AJAP1: variants seen among roughly 807,000 people sequenced by gnomAD.
AJAP1 encodes the protein adherens junctions associated protein 1.
A neutral mutation model predicts 35.0 loss-of-function variants in AJAP1; 5 were observed. That is an observed-to-expected ratio of 0.14 (90% CI 0.07 to 0.30). The LOEUF is 0.30. AJAP1 is among the 10% of genes least tolerant of loss of function. The pLI is 1.00. For missense variants in AJAP1, 586 were observed against 571.0 expected, an observed-to-expected ratio of 1.03 and a Z score of -0.27; for synonymous variants, 284 against 249.3, an observed-to-expected ratio of 1.14 and a Z score of -1.31.
At chr1:4,772,615 G>A in intron 4 of AJAP1, 90 bp downstream of exon 4, 1 of 1,534,330 alleles carries the variant, frequency 6.5e-7, no homozygotes, top group Non-Finnish European at 8.8e-7. Flanking sequence ...GAGAGCTGTT[G>A]GTCGGTTTAG....
intron 1 of AJAP1, among the ~76,000 whole-genome samples, chr1:4,710,844 T>C (rs1483197): frequency 0.43 from 65,800 of 152,120 alleles, 15,367 homozygotes; most frequent in African/African-American, 0.61. Flanking sequence ...CTGGTTTTCA[T>C]GTGACACCAG....
chr1:4,657,157 G>C (rs955525764), intron 1 of AJAP1, among the ~76,000 whole-genome samples: 1 of 152,194 alleles, frequency 6.6e-6, no homozygotes, highest in African/African-American at 2.4e-5. Context: ...TTGATAAAGG[G>C]AGAGAAGAGC....
At chr1:4,672,157 G>T (rs542472737) in intron 1 of AJAP1, among the ~76,000 whole-genome samples, 1 of 152,222 alleles carries the variant, frequency 6.6e-6, no homozygotes, top group Non-Finnish European at 1.5e-5. Context: ...GCTCAAGAAT[G>T]GACTGGGAGG....
intron 1 of AJAP1, among the ~76,000 whole-genome samples, chr1:4,706,238 T>A (rs950129313): frequency 6.6e-6 from 1 of 152,128 alleles, no homozygotes; most frequent in Non-Finnish European, 1.5e-5. Context: ...AACAAATATG[T>A]CTGTGTCTAT....
intron 1 of AJAP1, among the ~76,000 whole-genome samples, chr1:4,674,532 C>G (rs763095113): frequency 6.6e-6 from 1 of 152,226 alleles, no homozygotes; most frequent in African/African-American, 2.4e-5. Flanking sequence ...GCTTTAGGTT[C>G]AGAGGTCAGT....
At chr1:4,691,279 G>A (rs1215931260) in intron 1 of AJAP1, among the ~76,000 whole-genome samples, 2 of 152,182 alleles carry the variant, frequency 1.3e-5, no homozygotes, top group Non-Finnish European at 2.9e-5. Flanking sequence ...TGGCCTTCCT[G>A]GGACCAGGCC....
At chr1:4,748,777 ATG>A (rs1641255341) in intron 2 of AJAP1, among the ~76,000 whole-genome samples, 46 of 148,618 alleles carry the variant, frequency 3.1e-4, no homozygotes, top group African/African-American at 9.8e-4. Flanking sequence ...AAAAAAAAGA[ATG>A]GAACCAGGGC....
At chr1:4,744,780 T>G (rs1419365494) in intron 2 of AJAP1, among the ~76,000 whole-genome samples, 1 of 152,124 alleles carries the variant, frequency 6.6e-6, no homozygotes, top group African/African-American at 2.4e-5. Context: ...CACACAGGTA[T>G]GGGCACACAT....
At chr1:4,669,734 G>A (rs1048915660) in intron 1 of AJAP1, among the ~76,000 whole-genome samples, 3 of 152,096 alleles carry the variant, frequency 2.0e-5, no homozygotes, top group South Asian at 2.1e-4. Flanking sequence ...ACATTGTAGC[G>A]TGCATCAGTA....
chr1:4,710,302 TAC>T (rs746886213), intron 1 of AJAP1, among the ~76,000 whole-genome samples: 93 of 151,862 alleles, frequency 6.1e-4, no homozygotes, highest in Non-Finnish European at 1.5e-4. Flanking sequence ...ACGCACCAAA[TAC>T]ACACAGACAC....
intron 2 of AJAP1, among the ~76,000 whole-genome samples, chr1:4,728,837 C>T (rs1347737844): frequency 6.6e-6 from 1 of 152,086 alleles, no homozygotes; most frequent in African/African-American, 2.4e-5. Context: ...CTTAGTCTGG[C>T]CTCCCTGCCG....
At chr1:4,742,936 C>T (rs1194405649) in intron 2 of AJAP1, among the ~76,000 whole-genome samples, 1 of 152,134 alleles carries the variant, frequency 6.6e-6, no homozygotes, top group African/African-American at 2.4e-5. Flanking sequence ...GACTGACCGA[C>T]CCACTGGGTC....
rs60846836 is a variant in AJAP1 at position 4,679,808 on chromosome 1, GGTGTGTGTGTGTGT to G, written c.29+24385_29+24398del. ...TTCTGCTTAGAAACAGAACCAATAG[GGTGTGTGTGTGTGT>G]GTGTGTGTGTGTGTGTGTGTGTGTG... is the stretch of plus-strand genomic sequence containing the variant. On this transcript the variant is annotated intron_variant, in intron 1 of 5. Transcript: ENST00000378191. Among the ~76,000 whole-genome samples, 80 of 142,302 alleles carry G rather than the reference GGTGTGTGTGTGTGT, an allele frequency of 5.6e-4. No individual in the cohort carries two copies. In the Middle Eastern group the frequency reaches 0.011, roughly 19 times the overall value. The allele number at this position is 142,302 out of a possible 152,430, so 93.4% of individuals were successfully genotyped here. A position where few individuals can be genotyped will look rare whatever the true frequency, so the allele number is the denominator to read the frequency against.
chr1:4,772,578 A>AC, intron 4 of AJAP1, 53 bp downstream of exon 4: 1 of 1,595,408 alleles, frequency 6.3e-7, no homozygotes, highest in Non-Finnish European at 8.6e-7. Context: ...GGTGCTCCTG[A>AC]CCCCCGGGGG....
At chr1:4,772,613 T>C in intron 4 of AJAP1, 88 bp downstream of exon 4, 1 of 1,554,596 alleles carries the variant, frequency 6.4e-7, no homozygotes, top group Admixed American at 1.8e-5. Flanking sequence ...CTGAGAGCTG[T>C]TGGTCGGTTT....
chr1:4,669,571 T>C (rs1225348179), intron 1 of AJAP1, among the ~76,000 whole-genome samples: 1 of 152,162 alleles, frequency 6.6e-6, no homozygotes, highest in African/African-American at 2.4e-5. Flanking sequence ...GCTCCCATGA[T>C]CCAATGACCT....
chr1:4,782,114 G>A lies in AJAP1; in HGVS notation c.*60-431G>A, dbSNP rs1362628567. 6.6e-6 allele frequency among the ~76,000 whole-genome samples: 1 copy of A among 152,168 alleles called. No individual in the cohort carries two copies. Among genetic ancestry groups the A allele is most frequent in the Non-Finnish European group, 1.5e-5 (1 of 68,018 alleles). ...TTCCCGCAGCACAGGAGTGGAGCAGGCCCCACGCCACCCTCCATGGGAGGA... is the reference window on the plus strand; with the variant it reads ...TTCCCGCAGCACAGGAGTGGAGCAGACCCCACGCCACCCTCCATGGGAGGA... On this transcript the variant is annotated intron_variant, in intron 5 of 5. Coordinates refer to ENST00000378191, the MANE Select transcript of AJAP1 (RefSeq NM_018836.4). This position sits in a 1 kb window ranked among gnomAD's most constrained non-coding sequence, Gnocchi z 5.3.
At chr1:4,721,529 C>T (rs983706232) in intron 2 of AJAP1, among the ~76,000 whole-genome samples, 1 of 152,200 alleles carries the variant, frequency 6.6e-6, no homozygotes, top group South Asian at 2.1e-4. Context: ...GTGGTGCGTC[C>T]CTGGCCAAGA....
In AJAP1 at chr1:4,792,165, C is replaced by G. The variant is rs754369212; in HGVS notation, c.*9680C>G. 1.3e-5 allele frequency: 2 copies of G among 152,106 alleles called. No homozygotes were observed. The highest frequency in any genetic ancestry group is 1.9e-4 in the East Asian group (1 of 5,190). 9.4% of individuals were successfully genotyped at this position (152,106 alleles called of 1,614,324 possible). On this transcript the variant is annotated 3_prime_UTR_variant, in exon 6 of 6. Coordinates refer to ENST00000378191, the MANE Select transcript of AJAP1 (RefSeq NM_018836.4). Reference sequence around the variant, plus strand: ...TTTTTCAAAAGGAAAACAAAAGCCTCTCTGTTTTCATGTTCTCCGTATATC... The same window carrying G: ...TTTTTCAAAAGGAAAACAAAAGCCTGTCTGTTTTCATGTTCTCCGTATATC...
Sources: allele counts gnomAD v4.1 joint callset (sites outside exome capture counted in the v4.1 genomes callset), GRCh38; gene constraint gnomAD v4.1.1; non-coding constraint Gnocchi (gnomAD v3.1); transcripts MANE v1.5; gene names NCBI Gene and HGNC (gene_info 2026-07-23, HGNC 2026-07-21).